RBP4: variants seen among roughly 807,000 people sequenced by gnomAD.
The protein encoded by RBP4 is retinol-binding protein 4.
RBP4 carries 9 observed loss-of-function variants against 26.2 expected under a neutral mutation model. The ratio of observed to expected loss-of-function variants is 0.34; its 90% CI spans 0.21 to 0.60. RBP4 has a LOEUF of 0.60. Among genes scored for constraint, RBP4 ranks in the 20% least tolerant of loss-of-function variants. The pLI is 0.80. For synonymous variants in RBP4, 114 were observed against 111.0 expected (o/e 1.03, Z -0.17); for missense variants, 244 against 271.3 (o/e 0.90, Z 0.71).
Position 93,593,807 on chromosome 10 carries a change from C to A in RBP4, c.568+16G>T, listed in dbSNP as rs1430539417. On this transcript the variant is annotated intron_variant, in intron 5 of 5. Transcript: ENST00000371464. ...CCCTGCAGGAAGAGCCAGAAGGCAC[C>A]CTGCTCCTGACTCACCGTTGTGGAC... The A allele has an allele frequency of 3.7e-6, 6 of 1,610,366 alleles. No homozygotes were observed. Among genetic ancestry groups the A allele is most frequent in the Non-Finnish European group, 5.1e-6 (6 of 1,179,366 alleles).
In RBP4 at chr10:93,592,166, G is replaced by T. The variant is rs191747796; in HGVS notation, c.569-54C>A. Reference sequence around the variant, plus strand: ...GACAGAAAGTGGACCCAGTTTTTATGTAGATAATGAACATCATGATGGCCT... The same window carrying T: ...GACAGAAAGTGGACCCAGTTTTTATTTAGATAATGAACATCATGATGGCCT... On this transcript the variant is annotated intron_variant, in intron 5 of 5. Transcript: ENST00000371464. The T allele has an allele frequency of 4.1e-5, 61 of 1,488,568 alleles. 1 individual carries two copies. The Middle Eastern group carries it at 5.1e-4, about 12-fold the overall frequency. The allele number at this position is 1,488,568 out of a possible 1,614,324, so 92.2% of individuals were successfully genotyped here. A position where few individuals can be genotyped will look rare whatever the true frequency, so the allele number is the denominator to read the frequency against.
chr10:93,597,044 T>C (rs1211374109), intron 4 of RBP4, among the ~76,000 whole-genome samples: 1 of 152,176 alleles, frequency 6.6e-6, no homozygotes, highest in East Asian at 1.9e-4. Flanking sequence ...AGACCAGTGG[T>C]TCTCAAACTT....
intron 4 of RBP4, among the ~76,000 whole-genome samples, chr10:93,598,435 G>A (rs935948312): frequency 6.6e-6 from 1 of 152,212 alleles, no homozygotes; most frequent in Non-Finnish European, 1.5e-5. Context: ...TTTGAACTTA[G>A]GAGGTCTAAT....
chr10:93,595,013 C>T (rs906293489), intron 4 of RBP4, among the ~76,000 whole-genome samples: 3 of 151,992 alleles, frequency 2.0e-5, no homozygotes, highest in Non-Finnish European at 2.9e-5. Context: ...GGGTGACATG[C>T]GTCTGTGGTC....
rs1483784837 is a variant in RBP4 at position 93,600,479 on chromosome 10, T to G, written c.269A>C (p.Asp90Ala). ...GGTGTCTGTGAAGGTGCCCACCATG[T>G]CTGCGCACACGTCCCAGTTACTGCA... ...RLLNNWDVCA[D>A]MVGTFTDTED... Residue 90 changes from aspartate to alanine, a missense_variant, in exon 4 of 6, where the codon GAC becomes GCC. Transcript: ENST00000371464. The G allele has an allele frequency of 6.2e-7, 1 of 1,614,112 alleles. No homozygotes were observed.
chr10:93,600,775 T>C lies in RBP4; in HGVS notation c.140A>G (p.Lys47Arg). 4 of 1,611,832 alleles carry C rather than the reference T, an allele frequency of 2.5e-6. No homozygotes were observed. Among genetic ancestry groups the C allele is most frequent in the Non-Finnish European group, 3.4e-6 (4 of 1,178,996 alleles). ...RFSGTWYAMA[K>R]KDPEGLFLQD... ...CAGAAAGAGGCCCTCGGGGTCCTTC[T>C]TGGCCATGGCGTACCAGGTCCCAGA... Residue 47 changes from lysine to arginine, a missense_variant, in exon 3 of 6, where the codon AAG (lysine) becomes AGG (arginine). Transcript: ENST00000371464.
chr10:93,594,903 GC>G (rs1432082283), intron 4 of RBP4, among the ~76,000 whole-genome samples: 2 of 152,318 alleles, frequency 1.3e-5, no homozygotes, highest in African/African-American at 4.8e-5. Flanking sequence ...ACTTTGGGAG[GC>G]TGAGGTGGGA....
chr10:93,597,426 T>A (rs573730975), intron 4 of RBP4, among the ~76,000 whole-genome samples: 12 of 152,334 alleles, frequency 7.9e-5, no homozygotes, highest in Admixed American at 5.9e-4. Flanking sequence ...TTTTCACAAA[T>A]TACCTTAATT....
chr10:93,598,501 C>T (rs2058315729), intron 4 of RBP4, among the ~76,000 whole-genome samples: 1 of 152,234 alleles, frequency 6.6e-6, no homozygotes, highest in Non-Finnish European at 1.5e-5. Flanking sequence ...GAAATGTAAC[C>T]TAAGAAGGAA....
rs113712384 is a variant in RBP4 at position 93,600,392 on chromosome 10, C to T, written c.355+1G>A. On this transcript the variant is annotated splice_donor_variant, in intron 4 of 5. Coordinates refer to ENST00000371464, the MANE Select transcript of RBP4 (RefSeq NM_006744.4). LOFTEE classifies it high-confidence loss of function. The stretch of plus-strand genomic sequence containing the variant: ...ACAGTCCCACAGAGCTGACTACTCA[C>T]TTCCTTTCTGGAGAAAGGAGGCTAC... 6.2e-7 allele frequency: 1 copy of T among 1,613,884 alleles called. No individual in the cohort carries two copies. Among genetic ancestry groups the T allele is most frequent in the Non-Finnish European group, 8.5e-7 (1 of 1,179,784 alleles).
In RBP4 at chr10:93,595,228, C is replaced by T. The variant is rs368789793; in HGVS notation, c.356-1193G>A. 2.6e-5 allele frequency among the ~76,000 whole-genome samples: 4 copies of T among 152,150 alleles called. No individual in the cohort carries two copies. In the East Asian group the frequency reaches 5.8e-4, roughly 22 times the overall value. The stretch of plus-strand genomic sequence containing the variant: ...TCACCCTGTATTGAGATAAAAGTGC[C>T]ACATCTCTACTTAATTTAACCTTCT... On this transcript the variant is annotated intron_variant, in intron 4 of 5. Transcript: ENST00000371464.
At chr10:93,601,429 G>A, upstream of RBP4, 4 of 1,243,364 alleles carry the variant, frequency 3.2e-6, no homozygotes, top group Non-Finnish European at 3.1e-6. Context: ...GGGCACAGTG[G>A]AGCGGCCGCG....
chr10:93,600,897 GC>G lies in RBP4; in HGVS notation c.111+20del. The G allele has an allele frequency of 6.2e-7, 1 of 1,611,540 alleles. No individual in the cohort carries two copies. Among genetic ancestry groups the G allele is most frequent in the Non-Finnish European group, 8.5e-7 (1 of 1,179,440 alleles). ...TGGGGTGGGGACCTGGGCCGCCTGGGCCCCCTGGGCCGATACCTACGCGAGC... is the reference window on the plus strand; with the variant it reads ...TGGGGTGGGGACCTGGGCCGCCTGGGCCCCTGGGCCGATACCTACGCGAGC... On this transcript the variant is annotated intron_variant, in intron 2 of 5. Transcript: ENST00000371464.
chr10:93,593,166 C>T (rs548302291), intron 5 of RBP4, among the ~76,000 whole-genome samples: 1 of 152,202 alleles, frequency 6.6e-6, no homozygotes, highest in Admixed American at 6.5e-5. Context: ...ATTTTGAAAC[C>T]CAGTATCCCA....
At chr10:93,593,372 G>C (rs553807606) in intron 5 of RBP4, among the ~76,000 whole-genome samples, 20 of 152,152 alleles carry the variant, frequency 1.3e-4, no homozygotes, top group Admixed American at 6.5e-5. Flanking sequence ...GAAAAAAGAA[G>C]GTGCGTTGAA....
chr10:93,593,020 G>A lies in RBP4; in HGVS notation c.568+803C>T, dbSNP rs1464030607. ...TTTAGTAGAGATGGGGTTTTGCCAT[G>A]TTGGCCAGGCCAATCTTGAACTCCT... On this transcript the variant is annotated intron_variant, in intron 5 of 5. Transcript: ENST00000371464. Among the ~76,000 whole-genome samples the A allele has an allele frequency of 2.0e-5, 3 of 152,162 alleles. No individual in the cohort carries two copies. In the South Asian group the frequency reaches 6.2e-4, roughly 32 times the overall value.
intron 4 of RBP4, among the ~76,000 whole-genome samples, chr10:93,597,682 A>G (rs1334507742): frequency 6.6e-6 from 1 of 152,200 alleles, no homozygotes; most frequent in Non-Finnish European, 1.5e-5. Context: ...GTAGAGATTG[A>G]TCACATTTAA....
chr10:93,598,888 T>A (rs890534885), intron 4 of RBP4, among the ~76,000 whole-genome samples: 1 of 152,244 alleles, frequency 6.6e-6, no homozygotes, highest in Non-Finnish European at 1.5e-5. Context: ...CACTTTGGGA[T>A]GTTTTGCTGC....
At chr10:93,597,786 T>C (rs1296735968) in intron 4 of RBP4, among the ~76,000 whole-genome samples, 1 of 152,100 alleles carries the variant, frequency 6.6e-6, no homozygotes, top group African/African-American at 2.4e-5. Flanking sequence ...ATCCGTTTGG[T>C]GAGATGCAGT....
Sources: gnomAD v4.1 joint callset for allele counts (sites outside exome capture counted in the v4.1 genomes callset) on GRCh38, gnomAD v4.1.1 for gene constraint, MANE v1.5 for transcripts, NCBI Gene and HGNC (gene_info 2026-07-23, HGNC 2026-07-21) for gene names.